Variants in ZNF880 observed in about 807,000 individuals in gnomAD.
The protein encoded by ZNF880 is zinc finger protein LOC400713.
A neutral mutation model predicts 11.8 loss-of-function variants in ZNF880; 12 were observed. The observed-to-expected ratio is 1.02, with a 90% confidence interval of 0.65 to 1.65. ZNF880 has a LOEUF of 1.65. ZNF880 is among the 40% of genes most tolerant of loss of function. The pLI is 0.00. For synonymous variants in ZNF880, 210 were observed against 232.4 expected (o/e 0.90, Z 0.88); for missense variants, 601 against 673.9 (o/e 0.89, Z 1.20).
downstream of ZNF880, among the ~76,000 whole-genome samples, chr19:52,387,567 G>T (rs1986918473): frequency 7.1e-6 from 1 of 140,184 alleles, no homozygotes; most frequent in African/African-American, 2.8e-5. Context: ...TCCTGCTTCA[G>T]CTTCCCTAAT....
Position 52,384,672 on chromosome 19 carries a change from T to C in ZNF880, c.1092T>C (p.Asn364=), listed in dbSNP as rs376008555. The stretch of plus-strand genomic sequence containing the variant: ...AATGTGGCAAGGTCTTCAATCGAAA[T>C]GCACACCTTACCAGACATCAAAGAA... The part of the protein sequence containing the change: ...CNKCGKVFNR[N]AHLTRHQRIH... The change falls in exon 4 of 4, where the codon AAT becomes AAC. Residue 364 remains asparagine, a synonymous_variant. Coordinates refer to ENST00000422689, the MANE Select transcript of ZNF880 (RefSeq NM_001145434.2). 974 of 1,611,298 alleles carry C rather than the reference T, an allele frequency of 6.0e-4. No individual in the cohort carries two copies. The highest frequency in any genetic ancestry group is 7.1e-4 in the Non-Finnish European group (841 of 1,178,742).
chr19:52,381,931 CAAAA>C (rs998389678), intron 3 of ZNF880, among the ~76,000 whole-genome samples: 1 of 151,956 alleles, frequency 6.6e-6, no homozygotes, highest in African/African-American at 2.4e-5. Flanking sequence ...TAACATATAT[CAAAA>C]AAGCTTCTGA....
At chr19:52,369,780 T>C (rs1398836539), upstream of ZNF880, 1 of 652,910 alleles carries the variant, frequency 1.5e-6, no homozygotes. Context: ...ACACAATCTA[T>C]TTCCAGATAG....
intron 1 of ZNF880, among the ~76,000 whole-genome samples, chr19:52,372,762 T>G (rs1422146665): frequency 6.7e-6 from 1 of 148,602 alleles, no homozygotes; most frequent in African/African-American, 2.5e-5. Context: ...AAAAAAAAAT[T>G]AGCTGGGCGT....
intron 3 of ZNF880, among the ~76,000 whole-genome samples, chr19:52,382,771 T>G (rs1034093434): frequency 6.6e-6 from 1 of 152,178 alleles, no homozygotes; most frequent in African/African-American, 2.4e-5. Flanking sequence ...TGGGTTCGTT[T>G]TAGTTAGCAT....
At chr19:52,374,645 C>CT (rs1389936896) in intron 3 of ZNF880, 3 of 677,582 alleles carry the variant, frequency 4.4e-6, no homozygotes, top group Non-Finnish European at 2.6e-6. Context: ...CAAAACCACA[C>CT]TTTGAGTTTC....
chr19:52,385,873 G>A (rs1986870473), downstream of ZNF880: 1 of 145,972 alleles, frequency 6.9e-6, no homozygotes, highest in Non-Finnish European at 1.5e-5. Context: ...CTTTCACTGT[G>A]GTCTCTTGAA....
intron 1 of ZNF880, 115 bp from the exon 2 acceptor site, chr19:52,372,995 TA>T: frequency 1.8e-5 from 17 of 955,300 alleles, no homozygotes; most frequent in East Asian, 3.0e-5. Flanking sequence ...TATAACTAGC[TA>T]AAAAAATACC....
At chr19:52,373,335 G>GATC (rs1226703724) in intron 2 of ZNF880, 98 bp downstream of exon 2, 7 of 1,263,392 alleles carry the variant, frequency 5.5e-6, no homozygotes, top group Non-Finnish European at 6.5e-6. Context: ...TGTATTGCTT[G>GATC]ACTGAGATTG....
At chr19:52,378,091 T>C (rs1986605716) in intron 3 of ZNF880, among the ~76,000 whole-genome samples, 1 of 152,124 alleles carries the variant, frequency 6.6e-6, no homozygotes, top group African/African-American at 2.4e-5. Flanking sequence ...GCCTGGTCTT[T>C]CTGATGATCA....
At chr19:52,372,388 C>T (rs534809433) in intron 1 of ZNF880, among the ~76,000 whole-genome samples, 10 of 146,476 alleles carry the variant, frequency 6.8e-5, no homozygotes, top group African/African-American at 1.5e-4. Context: ...CCCAGGTTCA[C>T]GCCATTCTCC....
chr19:52,379,670 C>G (rs1986654533), intron 3 of ZNF880: 1 of 244,196 alleles, frequency 4.1e-6, no homozygotes, highest in Non-Finnish European at 8.3e-6. Context: ...AACTGCTCTT[C>G]CCAGCTCAGG....
chr19:52,384,415 C>T lies in ZNF880; in HGVS notation c.835C>T (p.Gln279Ter), dbSNP rs1428586304. Residue 279 changes from glutamine (Q) to a stop codon, truncating the protein, a stop_gained, in exon 4 of 4, where the codon CAA becomes TAA. Transcript: ENST00000422689. LOFTEE classifies it low-confidence loss of function (END_TRUNC). ...TCATGAGTGTGGCAAAGTCTTCACT[C>T]AAAATTCTCACCTTGCAAATCATCA... ...KCHECGKVFT[Q>*]NSHLANHHRI... The T allele has an allele frequency of 6.2e-7, 1 of 1,613,838 alleles. No homozygotes were observed. The highest frequency in any genetic ancestry group is 2.2e-5 in the East Asian group (1 of 44,860).
the ZNF880 span, among the ~76,000 whole-genome samples, chr19:52,393,503 T>C: frequency 6.6e-6 from 1 of 152,278 alleles, no homozygotes; most frequent in East Asian, 1.9e-4. Flanking sequence ...AAAAATACTT[T>C]TATTGTATTA....
downstream of ZNF880, chr19:52,390,415 C>A (rs1365853604): frequency 1.4e-5 from 5 of 351,102 alleles, no homozygotes; most frequent in Non-Finnish European, 2.9e-5. Flanking sequence ...CTTTTTCCTC[C>A]TTGATCGGGG....
chr19:52,385,577 A>G lies in ZNF880; in HGVS notation c.*263A>G. The G allele has an allele frequency of 3.0e-6, 1 of 335,242 alleles. No homozygotes were observed. Among genetic ancestry groups the G allele is most frequent in the South Asian group, 4.1e-5 (1 of 24,422 alleles). 20.8% of individuals were successfully genotyped at this position (335,242 alleles called of 1,614,324 possible). ...ATGGATTATGTATGCTGAGGCTATT[A>G]TTCAAGGACCATTACTATGGAACAT... On this transcript the variant is annotated 3_prime_UTR_variant, in exon 4 of 4. Transcript: ENST00000422689.
chr19:52,384,676 C>A lies in ZNF880; in HGVS notation c.1096C>A (p.His366Asn). 1 of 1,611,354 alleles carries A rather than the reference C, an allele frequency of 6.2e-7. No homozygotes were observed. Among genetic ancestry groups the A allele is most frequent in the South Asian group, 1.1e-5 (1 of 90,876 alleles). Residue 366 changes from histidine (H) to asparagine (N), a missense_variant, in exon 4 of 4, where the codon CAC (histidine) becomes AAC (asparagine). By Grantham distance (68) the His-to-Asn change is moderately conservative. Coordinates refer to ENST00000422689, the MANE Select transcript of ZNF880 (RefSeq NM_001145434.2). ...TGGCAAGGTCTTCAATCGAAATGCA[C>A]ACCTTACCAGACATCAAAGAATCCA... The part of the protein sequence containing the change: ...KCGKVFNRNA[H>N]LTRHQRIHTG...
rs758113579 is a variant in ZNF880, at chr19:52,374,539, G to A, written c.268+112G>A. On this transcript the variant is annotated intron_variant, in intron 3 of 3. Transcript: ENST00000422689. The stretch of plus-strand genomic sequence containing the variant: ...AGTGGCAATCATCAGTGGCAATCGT[G>A]GCTTAACTCATAGCCTCAAACTCCT... 19 of 1,315,834 alleles carry A rather than the reference G, an allele frequency of 1.4e-5. No homozygotes were observed. In the African/African-American group the frequency reaches 2.6e-4, roughly 18 times the overall value. 81.5% of individuals were successfully genotyped at this position (1,315,834 alleles called of 1,614,324 possible).
At chr19:52,367,983 G>A (rs374253816), upstream of ZNF880, among the ~76,000 whole-genome samples, 4 of 151,860 alleles carry the variant, frequency 2.6e-5, no homozygotes, top group East Asian at 7.8e-4. Flanking sequence ...GGTGGATCAC[G>A]AGGTCAGGAG....
Sources: gnomAD v4.1 joint callset for allele counts (sites outside exome capture counted in the v4.1 genomes callset) on GRCh38, gnomAD v4.1.1 for gene constraint, MANE v1.5 for transcripts, NCBI Gene and HGNC (gene_info 2026-07-23, HGNC 2026-07-21) for gene names.